Variants in POU6F2 observed in about 807,000 individuals in gnomAD.
The protein encoded by POU6F2 is POU class 6 homeobox 2.
Under a neutral mutation model 71.3 loss-of-function variants are expected in POU6F2, and 31 were observed. The observed-to-expected ratio is 0.43, with a 90% CI of 0.33 to 0.59. The LOEUF (loss-of-function observed/expected upper bound fraction) is 0.59. POU6F2 is among the 20% of genes least tolerant of loss of function. The pLI, the probability that POU6F2 is intolerant of heterozygous loss-of-function variation, is 0.04. For synonymous variants in POU6F2, 347 were observed against 355.7 expected (o/e 0.98, Z 0.27); for missense variants, 783 against 856.8 (o/e 0.91, Z 1.07).
intron 5 of POU6F2, among the ~76,000 whole-genome samples, chr7:39,374,099 G>A (rs1306804301): frequency 2.0e-5 from 3 of 152,150 alleles, no homozygotes; most frequent in African/African-American, 7.2e-5. Context: ...GGGAGATGAT[G>A]ATAATGCCAC....
intron 3 of POU6F2, among the ~76,000 whole-genome samples, chr7:39,206,643 A>G (rs1269103159): frequency 6.6e-6 from 1 of 152,182 alleles, no homozygotes; most frequent in African/African-American, 2.4e-5. Context: ...CTATTTTTCT[A>G]AAGAGGTGTC....
chr7:39,369,192 G>T (rs1786560919), intron 5 of POU6F2, among the ~76,000 whole-genome samples: 1 of 152,130 alleles, frequency 6.6e-6, no homozygotes, highest in Non-Finnish European at 1.5e-5. Flanking sequence ...CAGCAGCAGG[G>T]TTTGAGAGAA....
intron 1 of POU6F2, among the ~76,000 whole-genome samples, chr7:39,048,947 T>C (rs1790349074): frequency 6.6e-6 from 1 of 152,042 alleles, no homozygotes; most frequent in South Asian, 2.1e-4. Flanking sequence ...ATTTCTGTCT[T>C]TCTAGAAATT....
intron 2 of POU6F2, among the ~76,000 whole-genome samples, chr7:39,180,861 G>A (rs1232662799): frequency 6.6e-6 from 1 of 152,040 alleles, no homozygotes; most frequent in Non-Finnish European, 1.5e-5. Context: ...GCCTTCCAGA[G>A]CACCTTTCCA....
chr7:38,999,222 T>C (rs1024913888), intron 1 of POU6F2, among the ~76,000 whole-genome samples: 1 of 152,184 alleles, frequency 6.6e-6, no homozygotes, highest in Non-Finnish European at 1.5e-5. Flanking sequence ...ATTCCCTCAG[T>C]CCTTGTAAAA....
chr7:39,422,684 C>T (rs1437182054), intron 6 of POU6F2, among the ~76,000 whole-genome samples: 1 of 152,168 alleles, frequency 6.6e-6, no homozygotes, highest in African/African-American at 2.4e-5. Context: ...GGTCATTTTC[C>T]ACCATGTGCC....
rs142392066 is a variant in POU6F2, at chr7:39,052,139, A to T, written c.106-33721A>T. Among the ~76,000 whole-genome samples the T allele has an allele frequency of 6.4e-3, 976 of 152,244 alleles. 9 individuals are homozygous for T. The highest frequency in any genetic ancestry group is 0.022 in the African/African-American group (923 of 41,554). On this transcript the variant is annotated intron_variant, in intron 1 of 9. Coordinates refer to ENST00000518318, the MANE Select transcript of POU6F2 (RefSeq NM_001370959.1). ...CAACAGCAGAGAATAAGCATCACAT[A>T]GTGTGTCTTTCCAGTGTGACAGGAG...
At chr7:39,098,189 AT>A (rs1219769627) in intron 2 of POU6F2, among the ~76,000 whole-genome samples, 1 of 151,640 alleles carries the variant, frequency 6.6e-6, no homozygotes, top group Non-Finnish European at 1.5e-5. Flanking sequence ...TATATTTTTT[AT>A]TTTTTTATTT....
Position 39,460,781 on chromosome 7 carries a change from A to G in POU6F2, c.1658+66A>G, listed in dbSNP as rs2116163956. 1 of 1,446,710 alleles carries G rather than the reference A, an allele frequency of 6.9e-7. No individual in the cohort carries two copies. The highest frequency in any genetic ancestry group is 2.5e-5 in the East Asian group (1 of 40,212). 89.6% of individuals were successfully genotyped at this position (1,446,710 alleles called of 1,614,324 possible). A position where few individuals can be genotyped will look rare whatever the true frequency, so the allele number is the denominator to read the frequency against. The stretch of plus-strand genomic sequence containing the variant: ...TGGGCCTCATTTGTCCTCGCGGTTC[A>G]GCTTTTCTTCGTCGGGTGGGCAAAG... On this transcript the variant is annotated intron_variant, in intron 9 of 9. Transcript: ENST00000518318. The surrounding 1 kb of genome is among the most constrained non-coding windows in gnomAD (Gnocchi z 4.4).
At chr7:39,375,122 C>T (rs972931064) in intron 5 of POU6F2, among the ~76,000 whole-genome samples, 8 of 152,022 alleles carry the variant, frequency 5.3e-5, no homozygotes, top group Middle Eastern at 3.4e-3. Flanking sequence ...AGGGGGCTGG[C>T]GGGAAGATGA....
Position 39,219,348 on chromosome 7 carries a change from T to C in POU6F2, c.598+11728T>C, listed in dbSNP as rs958799450. ...TTTGCTGAAAAGTAACTCAACTGAA[T>C]TAAATCTATTATTTAAAAAACGTAG... On this transcript the variant is annotated intron_variant, in intron 4 of 9. Transcript: ENST00000518318. 2.6e-5 allele frequency among the ~76,000 whole-genome samples: 4 copies of C among 152,334 alleles called. 1 individual carries two copies. Among genetic ancestry groups the C allele is most frequent in the African/African-American group, 9.6e-5 (4 of 41,574 alleles).
Position 39,099,812 on chromosome 7 carries a change from C to T in POU6F2, c.277+13781C>T, listed in dbSNP as rs373805811. Among the ~76,000 whole-genome samples the T allele has an allele frequency of 1.3e-4, 20 of 152,294 alleles. 1 individual carries two copies. Among genetic ancestry groups the T allele is most frequent in the South Asian group, 8.3e-4 (4 of 4,826 alleles). On this transcript the variant is annotated intron_variant, in intron 2 of 9. Coordinates refer to ENST00000518318, the MANE Select transcript of POU6F2 (RefSeq NM_001370959.1). ...CTTCCCCTCACTTCTTAGCCCAATG[C>T]GTATTTTTCCAAGGTCTGAGAAGTG...
intron 4 of POU6F2, among the ~76,000 whole-genome samples, chr7:39,268,948 G>A (rs1784297978): frequency 6.6e-6 from 1 of 152,210 alleles, no homozygotes; most frequent in Non-Finnish European, 1.5e-5. Context: ...CTGATTAATA[G>A]TTGTAATCCT....
chr7:39,203,677 A>G (rs192863299), intron 2 of POU6F2, among the ~76,000 whole-genome samples: 27 of 152,352 alleles, frequency 1.8e-4, no homozygotes, highest in Non-Finnish European at 3.1e-4. Flanking sequence ...TACTGTTTCA[A>G]TTAGCACCTG....
intron 1 of POU6F2, among the ~76,000 whole-genome samples, chr7:39,032,651 A>C (rs1789970423): frequency 6.6e-6 from 1 of 152,216 alleles, no homozygotes; most frequent in African/African-American, 2.4e-5. Context: ...TGCAGATTTC[A>C]GCCTGCCATG....
chr7:39,390,486 A>T (rs1024418937), intron 5 of POU6F2, among the ~76,000 whole-genome samples: 1 of 152,236 alleles, frequency 6.6e-6, no homozygotes, highest in Non-Finnish European at 1.5e-5. Context: ...ATGCATCTCC[A>T]TGATTCTTGT....
In POU6F2 at chr7:39,353,069, G is replaced by A. The variant is rs190168689; in HGVS notation, c.972+13054G>A. Among the ~76,000 whole-genome samples, 260 of 152,336 alleles carry A rather than the reference G, an allele frequency of 1.7e-3. 4 individuals carry two copies. Among genetic ancestry groups the A allele is most frequent in the Admixed American group, 0.014 (220 of 15,308 alleles). The stretch of plus-strand genomic sequence containing the variant: ...TTCAAAAACACCTGCCCTTTCAAAG[G>A]TCTTGGCCTGACTTTGCATTTCCTG... On this transcript the variant is annotated intron_variant, in intron 5 of 9. Coordinates refer to ENST00000518318, the MANE Select transcript of POU6F2 (RefSeq NM_001370959.1).
At chr7:39,320,510 G>A (rs1007297336) in intron 4 of POU6F2, among the ~76,000 whole-genome samples, 2 of 152,130 alleles carry the variant, frequency 1.3e-5, no homozygotes, top group Non-Finnish European at 2.9e-5. Flanking sequence ...AATCCAAAAA[G>A]TGTTTTTGCA....
At chr7:39,040,835 A>G (rs1291465064) in intron 1 of POU6F2, among the ~76,000 whole-genome samples, 1 of 151,916 alleles carries the variant, frequency 6.6e-6, no homozygotes, top group Non-Finnish European at 1.5e-5. Flanking sequence ...ATTCTGTTCT[A>G]ATTTCTGTTT....
Sources: gnomAD v4.1 joint callset for allele counts (sites outside exome capture counted in the v4.1 genomes callset) on GRCh38, gnomAD v4.1.1 for gene constraint, Gnocchi (gnomAD v3.1) non-coding constraint, MANE v1.5 for transcripts, NCBI Gene and HGNC (gene_info 2026-07-23, HGNC 2026-07-21) for gene names.